The following STAT1 variants were observed in gnomAD, a reference collection of about 807,000 sequenced individuals.
The protein encoded by STAT1 is signal transducer and activator of transcription 1-alpha/beta.
In STAT1, 24 loss-of-function variants were observed where a neutral mutation model predicts 111.7. That is an observed-to-expected ratio of 0.21 (90% CI 0.16 to 0.30). STAT1 has a LOEUF of 0.30. STAT1 is among the 10% of genes least tolerant of loss of function. The pLI, the probability that STAT1 is intolerant of heterozygous loss-of-function variation, is 1.00. For missense variants in STAT1, 351 were observed against 911.9 expected (o/e 0.38, Z 7.92); for synonymous variants, 332 against 326.5 (o/e 1.02, Z -0.18).
chr2:190,999,604 C>G lies in STAT1; in HGVS notation c.541+22G>C, dbSNP rs776473340. On this transcript the variant is annotated intron_variant, in intron 7 of 24. Coordinates refer to ENST00000361099, the MANE Select transcript of STAT1 (RefSeq NM_007315.4). This position sits in a 1 kb window ranked among gnomAD's most constrained non-coding sequence, Gnocchi z 4.1. ...AGAAAAAATTGCAGCCAACGGGCAC[C>G]ACTTCAGTTGTGAACCCTTACCTCT... 8 of 1,583,920 alleles carry G rather than the reference C, an allele frequency of 5.1e-6. No individual in the cohort carries two copies. Among genetic ancestry groups the G allele is most frequent in the Middle Eastern group, 1.7e-4 (1 of 6,040 alleles).
In STAT1 at chr2:190,978,211, C is replaced by G. The variant is rs1692062273; in HGVS notation, c.1873+645G>C. ...CCCTTCAAACAGACCAAACTCTAAA[C>G]AACAGTGAAAAGTAATCAGTTGGTC... On this transcript the variant is annotated intron_variant, in intron 21 of 24. Transcript: ENST00000361099. The surrounding 1 kb of genome is among the most constrained non-coding windows in gnomAD (Gnocchi z 6.1). Among the ~76,000 whole-genome samples, 1 of 152,310 alleles carries G rather than the reference C, an allele frequency of 6.6e-6. No individual in the cohort carries two copies. The highest frequency in any genetic ancestry group is 2.1e-4 in the South Asian group (1 of 4,828).
rs1691964306 is a variant in STAT1 at position 190,977,081 on chromosome 2, C to T, written c.1874-56G>A. On this transcript the variant is annotated intron_variant, in intron 21 of 24. Coordinates refer to ENST00000361099, the MANE Select transcript of STAT1 (RefSeq NM_007315.4). This position sits in a 1 kb window ranked among gnomAD's most constrained non-coding sequence, Gnocchi z 4.7. ...TAGAACATCCCAAAATGAAAGAGGA[C>T]AGAGAAATAAAACACTGCAGAGTTG... 6.4e-7 allele frequency: 1 copy of T among 1,570,346 alleles called. No individual in the cohort carries two copies. Among genetic ancestry groups the T allele is most frequent in the Non-Finnish European group, 8.8e-7 (1 of 1,140,962 alleles).
rs1013601386 is a variant in STAT1 at position 190,973,177 on chromosome 2, G to A, written c.2238+1653C>T. Among the ~76,000 whole-genome samples the A allele has an allele frequency of 2.0e-5, 3 of 152,080 alleles. No homozygotes were observed. Among genetic ancestry groups the A allele is most frequent in the Admixed American group, 2.0e-4 (3 of 15,280 alleles). On this transcript the variant is annotated intron_variant, in intron 24 of 24. Transcript: ENST00000361099. This position sits in a 1 kb window ranked among gnomAD's most constrained non-coding sequence, Gnocchi z 4.4. ...TTAATAACAGAATAAACCCAATCCT[G>A]TACAAACAGCTTCTTCAGGGTGCAT...
At position 190,987,155 on chromosome 2, in the gene STAT1, A is replaced by T. The variant is rs552998278; in HGVS notation, c.1098-87T>A. On this transcript the variant is annotated intron_variant, in intron 12 of 24. Transcript: ENST00000361099. The surrounding 1 kb of genome is among the most constrained non-coding windows in gnomAD (Gnocchi z 4.0). ...AATTATAAGAGTATAAGAGCATAAG[A>T]GTGTAAGTGAATGATGAATAAAAAA... 5.0e-6 allele frequency: 5 copies of T among 995,218 alleles called. No individual in the cohort carries two copies. The highest frequency in any genetic ancestry group is 7.8e-6 in the Non-Finnish European group (5 of 637,970). 61.6% of individuals were successfully genotyped at this position (995,218 alleles called of 1,614,324 possible).
chr2:190,999,469 A>C lies in STAT1; in HGVS notation c.541+157T>G, dbSNP rs1055149889. 3.8e-4 allele frequency among the ~76,000 whole-genome samples: 58 copies of C among 152,116 alleles called. No individual in the cohort carries two copies. The highest frequency in any genetic ancestry group is 1.8e-3 in the Admixed American group (28 of 15,268). On this transcript the variant is annotated intron_variant, in intron 7 of 24. Transcript: ENST00000361099. The surrounding 1 kb of genome is among the most constrained non-coding windows in gnomAD (Gnocchi z 4.1). ...AACAACAAATTAGCCCGAAATGTCA[A>C]TAATATTGGATGTTGAGAAGCCCTG...
At chr2:191,001,290 A>G (rs1412963000) in intron 5 of STAT1, 127 bp from the exon 6 acceptor site, 1 of 739,792 alleles carries the variant, frequency 1.4e-6, no homozygotes, top group Non-Finnish European at 2.4e-6. Context: ...CTTCCTGCTT[A>G]TGTGTCAATA....
chr2:190,975,023 T>C lies in STAT1; in HGVS notation c.2136-91A>G. On this transcript the variant is annotated intron_variant, in intron 23 of 24. Coordinates refer to ENST00000361099, the MANE Select transcript of STAT1 (RefSeq NM_007315.4). The surrounding 1 kb of genome is among the most constrained non-coding windows in gnomAD (Gnocchi z 5.9). ...ACACACTTTATCTTTTGTCTGTAAT[T>C]GAATTATCACGTTATATTTTTATTT... is the stretch of plus-strand genomic sequence containing the variant. The C allele has an allele frequency of 2.0e-6, 2 of 993,774 alleles. No homozygotes were observed. The highest frequency in any genetic ancestry group is 3.2e-6 in the Non-Finnish European group (2 of 634,196). 61.6% of individuals were successfully genotyped at this position (993,774 alleles called of 1,614,324 possible). A position where few individuals can be genotyped will look rare whatever the true frequency, so the allele number is the denominator to read the frequency against.
Position 190,970,790 on chromosome 2 carries a change from G to A in STAT1, c.2239-73C>T. ...AATGCAGACTCATACATTAAACATT[G>A]CTTGTCTATTCTAGAATGAAGTAGT... On this transcript the variant is annotated intron_variant, in intron 24 of 24. Transcript: ENST00000361099. The surrounding 1 kb of genome is among the most constrained non-coding windows in gnomAD (Gnocchi z 5.4). 1.4e-6 allele frequency: 2 copies of A among 1,407,674 alleles called. No individual in the cohort carries two copies. Among genetic ancestry groups the A allele is most frequent in the Non-Finnish European group, 2.0e-6 (2 of 994,752 alleles). The allele number at this position is 1,407,674 out of a possible 1,614,324, so 87.2% of individuals were successfully genotyped here. A position where few individuals can be genotyped will look rare whatever the true frequency, so the allele number is the denominator to read the frequency against.
rs200288904 is a variant in STAT1, at chr2:190,987,072, CA to C, written c.1098-5del. The stretch of plus-strand genomic sequence containing the variant: ...TGTATTTCTCTCATTCACATCTCTG[CA>C]AAAAAAATATATATAATCACATATG... On this transcript the variant is annotated splice_polypyrimidine_tract_variant and splice_region_variant and intron_variant, in intron 12 of 24. Coordinates refer to ENST00000361099, the MANE Select transcript of STAT1 (RefSeq NM_007315.4). This position sits in a 1 kb window ranked among gnomAD's most constrained non-coding sequence, Gnocchi z 4.0. 194 of 1,595,658 alleles carry C rather than the reference CA, an allele frequency of 1.2e-4. No individual in the cohort carries two copies. The highest frequency in any genetic ancestry group is 2.1e-4 in the Middle Eastern group (1 of 4,870).
chr2:190,998,065 A>G lies in STAT1; in HGVS notation c.634-58T>C. On this transcript the variant is annotated intron_variant, in intron 8 of 24. Coordinates refer to ENST00000361099, the MANE Select transcript of STAT1 (RefSeq NM_007315.4). The surrounding 1 kb of genome is among the most constrained non-coding windows in gnomAD (Gnocchi z 4.1). ...ATTCATTTTTAATCACTGAATTTTA[A>G]AATATTTTTTAAAAGAAAAGCAAAT... The G allele has an allele frequency of 6.3e-7, 1 of 1,593,744 alleles. No individual in the cohort carries two copies. The highest frequency in any genetic ancestry group is 8.6e-7 in the Non-Finnish European group (1 of 1,167,124).
rs757147021 is a variant in STAT1 at position 190,983,593 on chromosome 2, G to T, written c.1446+49C>A. The T allele has an allele frequency of 6.6e-7, 1 of 1,519,658 alleles. No individual in the cohort carries two copies. The highest frequency in any genetic ancestry group is 9.1e-7 in the Non-Finnish European group (1 of 1,094,084). 94.1% of individuals were successfully genotyped at this position (1,519,658 alleles called of 1,614,324 possible). A position where few individuals can be genotyped will look rare whatever the true frequency, so the allele number is the denominator to read the frequency against. On this transcript the variant is annotated intron_variant, in intron 17 of 24. Transcript: ENST00000361099. The surrounding 1 kb of genome is among the most constrained non-coding windows in gnomAD (Gnocchi z 5.7). ...ATTTCAGAGATGCAGCAGTGAGAGC[G>T]TGGGGTCTCTGCTTAACCCTGGGAC...
rs893928261 is a variant in STAT1, at chr2:190,995,437, C to T, written c.786-218G>A. 2.0e-5 allele frequency among the ~76,000 whole-genome samples: 3 copies of T among 152,206 alleles called. No individual in the cohort carries two copies. The highest frequency in any genetic ancestry group is 7.2e-5 in the African/African-American group (3 of 41,436). On this transcript the variant is annotated intron_variant, in intron 9 of 24. Coordinates refer to ENST00000361099, the MANE Select transcript of STAT1 (RefSeq NM_007315.4). This position sits in a 1 kb window ranked among gnomAD's most constrained non-coding sequence, Gnocchi z 4.2. Reference sequence around the variant, plus strand: ...AGAAGGCAAATGAGGAGCAAAGTCACATCTTACATGGTGGCAGGCAAGAGA... The same window carrying T: ...AGAAGGCAAATGAGGAGCAAAGTCATATCTTACATGGTGGCAGGCAAGAGA...
At chr2:191,010,762 T>A (rs556281288) in intron 2 of STAT1, among the ~76,000 whole-genome samples, 7 of 152,356 alleles carry the variant, frequency 4.6e-5, no homozygotes, top group African/African-American at 1.7e-4. Flanking sequence ...GAAGTAATGA[T>A]TTTTAAAGAT....
intron 2 of STAT1, among the ~76,000 whole-genome samples, chr2:191,011,256 T>C (rs2125106736): frequency 6.6e-6 from 1 of 152,336 alleles, no homozygotes; most frequent in East Asian, 1.9e-4. Flanking sequence ...AGTTCAGTTT[T>C]ATTTTACCTG....
In STAT1 at chr2:191,009,929, A is replaced by G. The variant is rs1306695738; in HGVS notation, c.75T>C (p.Ser25=). ...LEQVHQLYDD[S]FPMEIRQYLA... ...GGTACTGTCTGATTTCCATGGGAAAACTGTCATCATAAAGCTGGTGAACCT... is the reference window on the plus strand; with the variant it reads ...GGTACTGTCTGATTTCCATGGGAAAGCTGTCATCATAAAGCTGGTGAACCT... The change falls in exon 3 of 25, where the codon AGT becomes AGC. Residue 25 remains serine (S), a synonymous_variant. Transcript: ENST00000361099. 1.1e-5 allele frequency: 17 copies of G among 1,613,906 alleles called. No homozygotes were observed. The highest frequency in any genetic ancestry group is 1.4e-5 in the Non-Finnish European group (17 of 1,179,938).
Position 190,971,863 on chromosome 2 carries a change from C to T in STAT1, c.2239-1146G>A, listed in dbSNP as rs918657073. On this transcript the variant is annotated intron_variant, in intron 24 of 24. Transcript: ENST00000361099. This position sits in a 1 kb window ranked among gnomAD's most constrained non-coding sequence, Gnocchi z 4.1. ...TAGTAGCTGGGATTACAGGCACACA[C>T]CACCATGGCTGGCTAATTTTTGTAT... Among the ~76,000 whole-genome samples, 1 of 152,162 alleles carries T rather than the reference C, an allele frequency of 6.6e-6. No individual in the cohort carries two copies. The highest frequency in any genetic ancestry group is 1.5e-5 in the Non-Finnish European group (1 of 68,024).
chr2:190,978,794 G>T lies in STAT1; in HGVS notation c.1873+62C>A. The T allele has an allele frequency of 6.3e-7, 1 of 1,596,254 alleles. No individual in the cohort carries two copies. Among genetic ancestry groups the T allele is most frequent in the South Asian group, 1.1e-5 (1 of 88,782 alleles). On this transcript the variant is annotated intron_variant, in intron 21 of 24. Coordinates refer to ENST00000361099, the MANE Select transcript of STAT1 (RefSeq NM_007315.4). This position sits in a 1 kb window ranked among gnomAD's most constrained non-coding sequence, Gnocchi z 6.1. ...CACTATCTGTATGAGCTGACTGGCG[G>T]CGATGAAGAGGGACTTCACACACAT...
rs1693196055 is a variant in STAT1 at position 190,990,048 on chromosome 2, T to C, written c.1038-374A>G. On this transcript the variant is annotated intron_variant, in intron 11 of 24. Coordinates refer to ENST00000361099, the MANE Select transcript of STAT1 (RefSeq NM_007315.4). The surrounding 1 kb of genome is among the most constrained non-coding windows in gnomAD (Gnocchi z 5.1). ...GTAAAATAGCAAACATTACTTTCTA[T>C]TAAAACTTGTATCTAATCTTTGTCC... Among the ~76,000 whole-genome samples, 1 of 152,188 alleles carries C rather than the reference T, an allele frequency of 6.6e-6. No individual in the cohort carries two copies. Among genetic ancestry groups the C allele is most frequent in the Non-Finnish European group, 1.5e-5 (1 of 68,028 alleles).
In STAT1 at chr2:190,995,263, A is replaced by G. The variant is rs760727011; in HGVS notation, c.786-44T>C. 6.3e-7 allele frequency: 1 copy of G among 1,598,944 alleles called. No individual in the cohort carries two copies. Among genetic ancestry groups the G allele is most frequent in the South Asian group, 1.1e-5 (1 of 90,806 alleles). On this transcript the variant is annotated intron_variant, in intron 9 of 24. Transcript: ENST00000361099. The surrounding 1 kb of genome is among the most constrained non-coding windows in gnomAD (Gnocchi z 4.2). ...CAGATGTCTCTATGAGAAACAGTCC[A>G]GAAGCAGCCTGGATTAAAGGGAATC...
Sources: gnomAD v4.1 joint callset for allele counts (sites outside exome capture counted in the v4.1 genomes callset) on GRCh38, gnomAD v4.1.1 for gene constraint, Gnocchi (gnomAD v3.1) non-coding constraint, MANE v1.5 for transcripts, NCBI Gene and HGNC (gene_info 2026-07-23, HGNC 2026-07-21) for gene names.